CASP9: variants seen among roughly 807,000 people sequenced by gnomAD.
CASP9 encodes caspase-9.
In CASP9, 29 loss-of-function variants were observed where a neutral mutation model predicts 43.5. The observed-to-expected ratio is 0.67, with a 90% CI of 0.50 to 0.91. The LOEUF (loss-of-function observed/expected upper bound fraction) is 0.91, where lower values mean the gene tolerates loss of function less well. CASP9 is among the 40% of genes least tolerant of loss of function. The pLI is 0.00. For synonymous variants in CASP9, 206 were observed against 211.9 expected, an observed-to-expected ratio of 0.97 and a Z score of 0.24; for missense variants, 575 against 537.4, an observed-to-expected ratio of 1.07 and a Z score of -0.69.
intron 5 of CASP9, among the ~76,000 whole-genome samples, 172 bp from the exon 6 acceptor site, chr1:15,504,930 A>T (rs1178544256): frequency 1.3e-5 from 2 of 152,184 alleles, no homozygotes; most frequent in Non-Finnish European, 2.9e-5. Flanking sequence ...ATCTGGAAAG[A>T]CACCTTGACA....
At chr1:15,502,731 T>C (rs4646066) in intron 6 of CASP9, among the ~76,000 whole-genome samples, 90,862 of 152,150 alleles carry the variant, frequency 0.6, 28,000 homozygotes, top group African/African-American at 0.74. Context: ...AGCACAAGAC[T>C]GACTAACTGT....
chr1:15,494,560 GTC>G (rs1410944101), intron 7 of CASP9, among the ~76,000 whole-genome samples: 2 of 111,844 alleles, frequency 1.8e-5, no homozygotes, highest in Non-Finnish European at 3.6e-5. Flanking sequence ...GCAAGACTCC[GTC>G]TCAAAAAAAA....
intron 5 of CASP9, 124 bp from the exon 6 acceptor site, chr1:15,504,882 A>C: frequency 1.1e-6 from 1 of 896,418 alleles, no homozygotes; most frequent in South Asian, 1.7e-5. Context: ...AGGCTGATTG[A>C]GACAGAGCAG....
At chr1:15,518,499 C>A in intron 1 of CASP9, 104 bp from the exon 2 acceptor site, 1 of 1,246,264 alleles carries the variant, frequency 8.0e-7, no homozygotes, top group Middle Eastern at 2.3e-4. Flanking sequence ...CAATCAGGCA[C>A]GTGGGCAGCA....
At chr1:15,496,577 A>G (rs1709111702) in intron 6 of CASP9, among the ~76,000 whole-genome samples, 1 of 152,248 alleles carries the variant, frequency 6.6e-6, no homozygotes, top group Admixed American at 6.5e-5. Context: ...GAAGCCAACC[A>G]CAAAAAATAC....
At chr1:15,501,628 T>C (rs1327125670) in intron 6 of CASP9, among the ~76,000 whole-genome samples, 5 of 152,210 alleles carry the variant, frequency 3.3e-5, no homozygotes, top group Admixed American at 2.0e-4. Context: ...TCACGCAGCC[T>C]GCGGAGGCAA....
At chr1:15,506,766 GC>G in intron 4 of CASP9, 132 bp downstream of exon 4, 1 of 714,944 alleles carries the variant, frequency 1.4e-6, no homozygotes, top group Non-Finnish European at 2.3e-6. Context: ...TAGCCGCTGG[GC>G]CGTCCTACCT....
intron 1 of CASP9, among the ~76,000 whole-genome samples, chr1:15,521,739 C>T (rs952093651): frequency 2.0e-5 from 3 of 152,048 alleles, no homozygotes; most frequent in East Asian, 3.9e-4. Context: ...CCTGTCTCCA[C>T]GTCTAGGTGG....
intron 6 of CASP9, among the ~76,000 whole-genome samples, chr1:15,500,098 AG>A (rs1303522611): frequency 2.0e-5 from 3 of 149,322 alleles, no homozygotes; most frequent in African/African-American, 5.1e-5. Flanking sequence ...TCAGGAAAGA[AG>A]GCATCTAACA....
intron 2 of CASP9, among the ~76,000 whole-genome samples, chr1:15,511,126 T>C (rs971687357): frequency 6.6e-6 from 1 of 152,108 alleles, no homozygotes; most frequent in Admixed American, 6.6e-5. Flanking sequence ...AAAACAGGTG[T>C]CTACCTAGGT....
intron 6 of CASP9, among the ~76,000 whole-genome samples, chr1:15,499,500 C>T (rs2103335436): frequency 6.6e-6 from 1 of 152,284 alleles, no homozygotes; most frequent in African/African-American, 2.4e-5. Flanking sequence ...CAAATAGACA[C>T]CAAGTCATGG....
At chr1:15,502,270 G>A (rs1709357211) in intron 6 of CASP9, among the ~76,000 whole-genome samples, 1 of 152,166 alleles carries the variant, frequency 6.6e-6, no homozygotes, top group Non-Finnish European at 1.5e-5. Context: ...CTTTGGCCAA[G>A]AAAGGGGGTG....
intron 5 of CASP9, 68 bp downstream of exon 5, chr1:15,505,922 C>G: frequency 8.1e-7 from 1 of 1,229,794 alleles, no homozygotes; most frequent in East Asian, 2.3e-5. Flanking sequence ...AGGGACATGG[C>G]CCCTGCACAG....
chr1:15,518,640 G>A (rs1207128569), intron 1 of CASP9, among the ~76,000 whole-genome samples: 2 of 152,198 alleles, frequency 1.3e-5, no homozygotes, highest in African/African-American at 4.8e-5. Flanking sequence ...AGTCCTTAAG[G>A]AGCAAATTTC....
rs982483118 is a variant in CASP9, at chr1:15,492,860, G to C, written c.*83C>G. On this transcript the variant is annotated 3_prime_UTR_variant, in exon 9 of 9. Coordinates refer to ENST00000333868, the MANE Select transcript of CASP9 (RefSeq NM_001229.5). ...CGGCTGCAAAGTCCTTGAGTTGCAG[G>C]AAAGTCCAGGCCTCAGCCTCTTTCA... The C allele has an allele frequency of 1.9e-6, 3 of 1,562,950 alleles. No individual in the cohort carries two copies. The highest frequency in any genetic ancestry group is 2.7e-5 in the African/African-American group (2 of 72,958).
chr1:15,500,469 C>G (rs1709281800), intron 6 of CASP9, among the ~76,000 whole-genome samples: 1 of 152,186 alleles, frequency 6.6e-6, no homozygotes, highest in Non-Finnish European at 1.5e-5. Context: ...GACCTCTTAC[C>G]CCACACAGCT....
At chr1:15,507,550 G>C (rs1449819577) in intron 3 of CASP9, among the ~76,000 whole-genome samples, 1 of 152,194 alleles carries the variant, frequency 6.6e-6, no homozygotes, top group Non-Finnish European at 1.5e-5. Flanking sequence ...CTCCTTCCCA[G>C]GTGGCCCCAG....
chr1:15,504,560 C>T (rs759111739), intron 6 of CASP9, 51 bp downstream of exon 6: 67 of 1,545,236 alleles, frequency 4.3e-5, no homozygotes, highest in East Asian at 3.6e-4. Context: ...AAGCAGGTGG[C>T]GGCTCCCTCC....
chr1:15,517,194 G>A (rs1227866678), intron 2 of CASP9, among the ~76,000 whole-genome samples: 2 of 152,128 alleles, frequency 1.3e-5, no homozygotes, highest in Non-Finnish European at 2.9e-5. Flanking sequence ...CCATCAGTAG[G>A]AAAATGGTTA....
Sources: gnomAD v4.1 joint callset for allele counts (sites outside exome capture counted in the v4.1 genomes callset) on GRCh38, gnomAD v4.1.1 for gene constraint, MANE v1.5 for transcripts, NCBI Gene and HGNC (gene_info 2026-07-23, HGNC 2026-07-21) for gene names.